Variants in SRPK1 observed in about 807,000 individuals in gnomAD.
SRPK1 encodes SRSF protein kinase 1.
Under a neutral mutation model 89.5 loss-of-function variants are expected in SRPK1, and 52 were observed. The observed-to-expected ratio is 0.58, with a 90% CI of 0.46 to 0.73. SRPK1 has a LOEUF of 0.73. SRPK1 is among the 30% of genes least tolerant of loss of function. The probability of loss-of-function intolerance (pLI) is 0.00; values close to 1 mark genes in which losing one functional copy is unlikely to be tolerated. For missense variants in SRPK1, 603 were observed against 780.6 expected (o/e 0.77, Z 2.71); for synonymous variants, 255 against 270.2 (o/e 0.94, Z 0.55).
chr6:35,891,176 G>C, intron 2 of SRPK1, 163 bp from the exon 3 acceptor site: 2 of 757,362 alleles, frequency 2.6e-6, no homozygotes, highest in Admixed American at 3.9e-5. Context: ...CCTCATGTTA[G>C]AAAAATACTT....
At chr6:35,861,265 G>C (rs1340278850) in intron 12 of SRPK1, among the ~76,000 whole-genome samples, 1 of 152,204 alleles carries the variant, frequency 6.6e-6, no homozygotes, top group African/African-American at 2.4e-5. Context: ...CCCACATTCT[G>C]AAAATGGGTT....
At chr6:35,914,306 G>C (rs1222943786) in intron 2 of SRPK1, among the ~76,000 whole-genome samples, 1 of 151,976 alleles carries the variant, frequency 6.6e-6, no homozygotes, top group Non-Finnish European at 1.5e-5. Flanking sequence ...GAGTTCTTAA[G>C]ATCAAGAAAA....
At position 35,833,883 on chromosome 6, in the gene SRPK1, TC is replaced by T. The variant is rs1769115950; in HGVS notation, c.*1420del. ...TACAGCCACTTCGAGAACGCTGCAA[TC>T]CCCAAGGCCCACTTGGTCCATGCTG... is the stretch of plus-strand genomic sequence containing the variant. On this transcript the variant is annotated 3_prime_UTR_variant, in exon 16 of 16. Coordinates refer to ENST00000373825, the MANE Select transcript of SRPK1 (RefSeq NM_003137.5). 1 of 152,212 alleles carries T rather than the reference TC, an allele frequency of 6.6e-6. No homozygotes were observed. Among genetic ancestry groups the T allele is most frequent in the African/African-American group, 2.4e-5 (1 of 41,392 alleles). 9.4% of individuals were successfully genotyped at this position (152,212 alleles called of 1,614,324 possible).
chr6:35,874,056 T>C lies in SRPK1; in HGVS notation c.585+177A>G, dbSNP rs1770102438. ...GTTAGCCAGGATGGTCTTGATCTCC[T>C]GACCTCGTGATCTGCCCGCCTCGGC... is the stretch of plus-strand genomic sequence containing the variant. On this transcript the variant is annotated intron_variant, in intron 7 of 15. Coordinates refer to ENST00000373825, the MANE Select transcript of SRPK1 (RefSeq NM_003137.5). Among the ~76,000 whole-genome samples, 3 of 149,742 alleles carry C rather than the reference T, an allele frequency of 2.0e-5. No individual in the cohort carries two copies. The South Asian group carries it at 6.3e-4, about 32-fold the overall frequency.
At chr6:35,888,149 T>C in intron 4 of SRPK1, 38 bp from the exon 5 acceptor site, 1 of 1,390,184 alleles carries the variant, frequency 7.2e-7, no homozygotes, top group Non-Finnish European at 9.9e-7. Flanking sequence ...CTACATAGCC[T>C]ACCCTTACTT....
chr6:35,833,563 A>C lies in SRPK1; in HGVS notation c.*1741T>G, dbSNP rs574455260. 33 of 152,732 alleles carry C rather than the reference A, an allele frequency of 2.2e-4. No individual in the cohort carries two copies. Among genetic ancestry groups the C allele is most frequent in the African/African-American group, 7.5e-4 (31 of 41,576 alleles). The allele number at this position is 152,732 out of a possible 1,614,324, so 9.5% of individuals were successfully genotyped here. Reference sequence around the variant, plus strand: ...TTGTTTGATACAATCTATTCTCTTGATTCTTGATAGGTGCATAGAAAGCCT... The same window carrying C: ...TTGTTTGATACAATCTATTCTCTTGCTTCTTGATAGGTGCATAGAAAGCCT... On this transcript the variant is annotated 3_prime_UTR_variant, in exon 16 of 16. Coordinates refer to ENST00000373825, the MANE Select transcript of SRPK1 (RefSeq NM_003137.5).
At chr6:35,853,887 G>GT (rs140386198) in intron 13 of SRPK1, among the ~76,000 whole-genome samples, 3,321 of 143,278 alleles carry the variant, frequency 0.023, 98 homozygotes, top group African/African-American at 0.07. Context: ...TTCGGAGATT[G>GT]TTTTTTTTTT....
intron 2 of SRPK1, 106 bp from the exon 3 acceptor site, chr6:35,891,119 A>G: frequency 7.6e-7 from 1 of 1,312,236 alleles, no homozygotes; most frequent in Non-Finnish European, 9.9e-7. Flanking sequence ...TAATATGAAC[A>G]GAGTATTACC....
intron 14 of SRPK1, among the ~76,000 whole-genome samples, chr6:35,840,848 A>G (rs1769291383): frequency 6.6e-6 from 1 of 152,164 alleles, no homozygotes; most frequent in African/African-American, 2.4e-5. Context: ...CCTAAGGACT[A>G]TTAGTACTAA....
intron 15 of SRPK1, among the ~76,000 whole-genome samples, chr6:35,836,273 C>T (rs1459256271): frequency 1.3e-5 from 2 of 152,002 alleles, no homozygotes; most frequent in Non-Finnish European, 2.9e-5. Flanking sequence ...ACAGTTTTAT[C>T]TCCAAACCAC....
At chr6:35,879,024 G>T (rs1486743920) in intron 6 of SRPK1, among the ~76,000 whole-genome samples, 1 of 151,916 alleles carries the variant, frequency 6.6e-6, no homozygotes, top group East Asian at 1.9e-4. Flanking sequence ...CCAGGAGGCG[G>T]AGGTTGCACT....
chr6:35,842,476 T>C, intron 14 of SRPK1, 59 bp downstream of exon 14: 1 of 1,361,232 alleles, frequency 7.3e-7, no homozygotes, highest in Non-Finnish European at 1.0e-6. Flanking sequence ...CAAATGATGT[T>C]AGCTTAATGT....
chr6:35,882,840 GCT>G (rs1245395976), intron 6 of SRPK1, among the ~76,000 whole-genome samples: 1 of 151,996 alleles, frequency 6.6e-6, no homozygotes, highest in Non-Finnish European at 1.5e-5. Flanking sequence ...ATGGAGTCTT[GCT>G]CTGTCACCCA....
At chr6:35,853,185 C>T (rs1364159543) in intron 13 of SRPK1, among the ~76,000 whole-genome samples, 2 of 151,928 alleles carry the variant, frequency 1.3e-5, no homozygotes, top group African/African-American at 2.4e-5. Flanking sequence ...GTGGGAGGAT[C>T]CCTTGAACCC....
At chr6:35,914,169 G>A (rs1746248624) in intron 2 of SRPK1, among the ~76,000 whole-genome samples, 1 of 151,740 alleles carries the variant, frequency 6.6e-6, no homozygotes, top group African/African-American at 2.4e-5. Flanking sequence ...TAGAGAAGGG[G>A]TTTCTCCATG....
intron 12 of SRPK1, among the ~76,000 whole-genome samples, chr6:35,868,015 C>T (rs1161762984): frequency 1.3e-5 from 2 of 151,964 alleles, no homozygotes; most frequent in African/African-American, 4.8e-5. Flanking sequence ...TCTTGCTGCC[C>T]AGGCTGGAGT....
chr6:35,868,882 A>G, intron 12 of SRPK1, 128 bp downstream of exon 12: 1 of 670,258 alleles, frequency 1.5e-6, no homozygotes, highest in East Asian at 3.1e-5. Flanking sequence ...TTTTAAATGT[A>G]AAAAAATATT....
rs1769969286 is a variant in SRPK1 at position 35,868,999 on chromosome 6, G to A, written c.1512+11C>T. The A allele has an allele frequency of 6.2e-7, 1 of 1,611,178 alleles. No homozygotes were observed. The highest frequency in any genetic ancestry group is 8.5e-7 in the Non-Finnish European group (1 of 1,178,292). The stretch of plus-strand genomic sequence containing the variant: ...TCACTTCAAAACACCATTAAGGCAA[G>A]TTTAACTTACCACCCAACAAGCATT... On this transcript the variant is annotated intron_variant, in intron 12 of 15. Coordinates refer to ENST00000373825, the MANE Select transcript of SRPK1 (RefSeq NM_003137.5).
At position 35,919,646 on chromosome 6, in the gene SRPK1, G is replaced by A. The variant is rs558596796; in HGVS notation, c.74+822C>T. Among the ~76,000 whole-genome samples the A allele has an allele frequency of 8.7e-4, 132 of 152,332 alleles. 1 individual carries two copies. Among genetic ancestry groups the A allele is most frequent in the African/African-American group, 3.0e-3 (126 of 41,572 alleles). ...AAGTTCTTAAGGCTTAGCCTCACTT[G>A]CTGCTAAGCCTGCTACCTGAGTTTC... On this transcript the variant is annotated intron_variant, in intron 2 of 15. Transcript: ENST00000373825.
Sources: allele counts gnomAD v4.1 joint callset (sites outside exome capture counted in the v4.1 genomes callset), GRCh38; gene constraint gnomAD v4.1.1; transcripts MANE v1.5; gene names NCBI Gene and HGNC (gene_info 2026-07-23, HGNC 2026-07-21).